The following LRRC8D variants were observed in gnomAD, a reference collection of about 807,000 sequenced individuals.
The protein encoded by LRRC8D is leucine rich repeat containing 8 VRAC subunit D.
In LRRC8D, 20 loss-of-function variants were observed where a neutral mutation model predicts 55.8. The observed-to-expected ratio is 0.36, with a 90% confidence interval of 0.25 to 0.52. The LOEUF (loss-of-function observed/expected upper bound fraction) is 0.52. LRRC8D is among the 20% of genes least tolerant of loss of function. LRRC8D has a pLI of 0.93. For synonymous variants in LRRC8D, 352 were observed against 377.0 expected, an observed-to-expected ratio of 0.93 and a Z score of 0.77; for missense variants, 651 against 1,030.8, an observed-to-expected ratio of 0.63 and a Z score of 5.05.
chr1:89,902,940 C>A (rs190954826), intron 2 of LRRC8D, among the ~76,000 whole-genome samples: 2 of 152,356 alleles, frequency 1.3e-5, no homozygotes, highest in African/African-American at 4.8e-5. Context: ...AATCCCATGT[C>A]ATTGCCTTTG....
rs550254602 is a variant in LRRC8D at position 89,928,276 on chromosome 1, G to A, written c.-2-4791G>A. On this transcript the variant is annotated intron_variant, in intron 2 of 2. Coordinates refer to ENST00000337338, the MANE Select transcript of LRRC8D (RefSeq NM_001134479.2). ...GGTGGAGACGGGGTTTCACCATGTT[G>A]GCCAGGCTGGTCTCAAACTCCTGAC... 9.2e-5 allele frequency among the ~76,000 whole-genome samples: 14 copies of A among 152,162 alleles called. No individual in the cohort carries two copies. The South Asian group carries it at 2.5e-3, about 27-fold the overall frequency.
At chr1:89,864,089 A>G (rs1661785881) in intron 2 of LRRC8D, among the ~76,000 whole-genome samples, 1 of 152,234 alleles carries the variant, frequency 6.6e-6, no homozygotes, top group African/African-American at 2.4e-5. Context: ...GGTCTTAACC[A>G]GTACTTGGGT....
At chr1:89,834,384 C>G (rs1660957193) in intron 1 of LRRC8D, among the ~76,000 whole-genome samples, 1 of 152,118 alleles carries the variant, frequency 6.6e-6, no homozygotes. Flanking sequence ...GGCCACTTTT[C>G]TGTTCTATTC....
At chr1:89,888,863 A>G (rs574822829) in intron 2 of LRRC8D, among the ~76,000 whole-genome samples, 1 of 152,386 alleles carries the variant, frequency 6.6e-6, no homozygotes, top group African/African-American at 2.4e-5. Context: ...AAACTATGAA[A>G]TATGTACCCA....
intron 2 of LRRC8D, among the ~76,000 whole-genome samples, chr1:89,905,273 C>T (rs1557477469): frequency 6.6e-6 from 1 of 152,130 alleles, no homozygotes; most frequent in Non-Finnish European, 1.5e-5. Flanking sequence ...GGCTGTTTCT[C>T]TTTTGAATAT....
intron 2 of LRRC8D, among the ~76,000 whole-genome samples, chr1:89,847,992 C>T (rs1387814595): frequency 6.6e-6 from 1 of 152,200 alleles, no homozygotes; most frequent in Non-Finnish European, 1.5e-5. Context: ...CTGCTCCAGA[C>T]TGAAAATGCT....
At chr1:89,851,266 TG>T (rs1661409767) in intron 2 of LRRC8D, among the ~76,000 whole-genome samples, 1 of 152,168 alleles carries the variant, frequency 6.6e-6, no homozygotes, top group Non-Finnish European at 1.5e-5. Context: ...TGATGCTTAC[TG>T]ACTGCATGGG....
At position 89,877,656 on chromosome 1, in the gene LRRC8D, A is replaced by G. The variant is rs572945139; in HGVS notation, c.-3+33874A>G. Among the ~76,000 whole-genome samples the G allele has an allele frequency of 1.1e-3, 163 of 152,266 alleles. 1 individual carries two copies. Among genetic ancestry groups the G allele is most frequent in the Non-Finnish European group, 2.1e-3 (144 of 67,998 alleles). On this transcript the variant is annotated intron_variant, in intron 2 of 2. Coordinates refer to ENST00000337338, the MANE Select transcript of LRRC8D (RefSeq NM_001134479.2). ...AATGCAGCCTGTTCCTAATTTAGGG[A>G]CCAGCGGTGGTTCACCTCCTTCCAC...
chr1:89,853,717 A>T (rs1009115635), intron 2 of LRRC8D, among the ~76,000 whole-genome samples: 2 of 152,132 alleles, frequency 1.3e-5, no homozygotes, highest in African/African-American at 4.8e-5. Context: ...CGGTAGAGTG[A>T]AGATTGAATA....
intron 2 of LRRC8D, among the ~76,000 whole-genome samples, chr1:89,875,184 T>A (rs1265456301): frequency 2.0e-5 from 3 of 152,216 alleles, no homozygotes. Flanking sequence ...TACAAATGCC[T>A]TTTTGACAGG....
At chr1:89,899,702 T>C (rs1340487455) in intron 2 of LRRC8D, among the ~76,000 whole-genome samples, 1 of 152,230 alleles carries the variant, frequency 6.6e-6, no homozygotes, top group South Asian at 2.1e-4. Context: ...GCTTTCAGAT[T>C]TGTCTTCTAT....
chr1:89,891,980 A>G (rs1229971530), intron 2 of LRRC8D, among the ~76,000 whole-genome samples: 1 of 152,176 alleles, frequency 6.6e-6, no homozygotes, highest in African/African-American at 2.4e-5. Flanking sequence ...CTCCGGTTCC[A>G]TGTATAATGT....
intron 2 of LRRC8D, among the ~76,000 whole-genome samples, chr1:89,876,031 G>A (rs144027095): frequency 2.6e-5 from 4 of 152,286 alleles, no homozygotes; most frequent in Non-Finnish European, 5.9e-5. Context: ...CAGCCCCTGA[G>A]GTCCTTTTGA....
rs550782557 is a variant in LRRC8D at position 89,904,531 on chromosome 1, G to A, written c.-2-28536G>A. Among the ~76,000 whole-genome samples the A allele has an allele frequency of 3.3e-5, 5 of 152,338 alleles. No homozygotes were observed. The South Asian group carries it at 1.0e-3, about 32-fold the overall frequency. On this transcript the variant is annotated intron_variant, in intron 2 of 2. Transcript: ENST00000337338. ...AGGAGGACAGGGGCATCTGAACTCA[G>A]TGAATTAACTTGTTCTTCTGTCTGC...
intron 2 of LRRC8D, among the ~76,000 whole-genome samples, chr1:89,922,888 A>G (rs1663460581): frequency 6.6e-6 from 1 of 152,230 alleles, no homozygotes; most frequent in Non-Finnish European, 1.5e-5. Context: ...TTTACATACC[A>G]TACAATTTAC....
chr1:89,915,016 CTGTG>C lies in LRRC8D; in HGVS notation c.-2-18024_-2-18021del, dbSNP rs56870719. On this transcript the variant is annotated intron_variant, in intron 2 of 2. Transcript: ENST00000337338. Reference sequence around the variant, plus strand: ...CAAGGACTCTATCTATCTTGCTCTACTGTGTGTGTGTGTGTGTGTGTGTGTGTGT... The same window carrying C: ...CAAGGACTCTATCTATCTTGCTCTACTGTGTGTGTGTGTGTGTGTGTGTGT... Among the ~76,000 whole-genome samples the C allele has an allele frequency of 1.1e-3, 164 of 144,802 alleles. 2 individuals carry two copies. The highest frequency in any genetic ancestry group is 8.9e-3 in the South Asian group (40 of 4,496). The allele number at this position is 144,802 out of a possible 152,430, so 95.0% of individuals were successfully genotyped here. A position where few individuals can be genotyped will look rare whatever the true frequency, so the allele number is the denominator to read the frequency against.
rs568600174 is a variant in LRRC8D at position 89,846,343 on chromosome 1, G to C, written c.-3+2561G>C. ...TTTTTTTTTTTTACTCCTTTCAACA[G>C]AGCTAAACTCTTCTTGCTCCTTTCA... On this transcript the variant is annotated intron_variant, in intron 2 of 2. Coordinates refer to ENST00000337338, the MANE Select transcript of LRRC8D (RefSeq NM_001134479.2). Among the ~76,000 whole-genome samples the C allele has an allele frequency of 1.5e-4, 23 of 148,962 alleles. No individual in the cohort carries two copies. In the South Asian group the frequency reaches 4.2e-3, roughly 27 times the overall value.
At chr1:89,824,483 C>A (rs570054676) in intron 1 of LRRC8D, among the ~76,000 whole-genome samples, 10 of 152,290 alleles carry the variant, frequency 6.6e-5, no homozygotes, top group African/African-American at 2.4e-4. Context: ...AATTCTTACC[C>A]TTTCTAGGTA....
At chr1:89,841,021 C>G (rs1057024129) in intron 1 of LRRC8D, among the ~76,000 whole-genome samples, 1 of 152,142 alleles carries the variant, frequency 6.6e-6, no homozygotes, top group Non-Finnish European at 1.5e-5. Flanking sequence ...ATCCCCACTC[C>G]CCACACTGAG....
Sources: gnomAD v4.1 joint callset for allele counts (sites outside exome capture counted in the v4.1 genomes callset) on GRCh38, gnomAD v4.1.1 for gene constraint, MANE v1.5 for transcripts, NCBI Gene and HGNC (gene_info 2026-07-23, HGNC 2026-07-21) for gene names.